DNMBP: variants seen among roughly 807,000 people sequenced by gnomAD.
DNMBP encodes dynamin-binding protein.
Under a neutral mutation model 150.0 loss-of-function variants are expected in DNMBP, and 87 were observed. That is an observed-to-expected ratio of 0.58 (90% CI 0.49 to 0.69). DNMBP has a LOEUF of 0.69. Among genes scored for constraint, DNMBP ranks in the 30% least tolerant of loss-of-function variants. DNMBP has a pLI of 0.00. For missense variants in DNMBP, 1,774 were observed against 1,949.0 expected (o/e 0.91, Z 1.69); for synonymous variants, 711 against 750.4 (o/e 0.95, Z 0.86).
At chr10:99,977,673 C>T (rs915557711) in intron 1 of DNMBP, among the ~76,000 whole-genome samples, 2 of 152,208 alleles carry the variant, frequency 1.3e-5, no homozygotes, top group South Asian at 4.1e-4. Context: ...CACTGGTCTA[C>T]AGCAGTGCCT....
intron 3 of DNMBP, among the ~76,000 whole-genome samples, chr10:99,960,762 C>T (rs899222100): frequency 2.6e-5 from 4 of 152,110 alleles, no homozygotes; most frequent in African/African-American, 9.7e-5. Context: ...GCTGAGGCTG[C>T]ACCATTGCAC....
In DNMBP at chr10:99,888,842, G is replaced by T. The variant is rs1159623229; in HGVS notation, c.3268C>A (p.Gln1090Lys). The T allele has an allele frequency of 6.2e-7, 1 of 1,614,032 alleles. No homozygotes were observed. Among genetic ancestry groups the T allele is most frequent in the Non-Finnish European group, 8.5e-7 (1 of 1,179,980 alleles). Reference sequence around the variant, plus strand: ...TTACTTACAAAGTTTGTGAAGAGCTGGTCACTGATGTAGCGATGCACCCTC... The same window carrying T: ...TTACTTACAAAGTTTGTGAAGAGCTTGTCACTGATGTAGCGATGCACCCTC... ...FERVHRYISDQLFTNFKERTE... is the reference protein window; with the variant it reads ...FERVHRYISDKLFTNFKERTE... Residue 1090 changes from glutamine (Q) to lysine (K), a missense_variant, in exon 12 of 17, where the codon CAG becomes AAG. Gln to Lys is a moderately conservative substitution (Grantham distance 53). Around this residue, in one of 2 missense-constraint regions of DNMBP, gnomAD observed 1,430 missense variants for 1,492.5 expected, o/e 0.96. Transcript: ENST00000324109.
chr10:99,893,848 G>A (rs1564720844), intron 11 of DNMBP, among the ~76,000 whole-genome samples: 1 of 152,124 alleles, frequency 6.6e-6, no homozygotes, highest in South Asian at 2.1e-4. Flanking sequence ...CTGATAGGAG[G>A]GAAGAACTTA....
chr10:99,885,235 G>A (rs781610776), intron 14 of DNMBP, among the ~76,000 whole-genome samples: 1 of 152,164 alleles, frequency 6.6e-6, no homozygotes, highest in Non-Finnish European at 1.5e-5. Context: ...AAAAGCCTGG[G>A]GATGGTGGCT....
At chr10:99,917,078 C>A (rs2039972681) in intron 4 of DNMBP, among the ~76,000 whole-genome samples, 1 of 152,092 alleles carries the variant, frequency 6.6e-6, no homozygotes, top group Non-Finnish European at 1.5e-5. Context: ...TCTTATAAGG[C>A]CAGGCGCAGT....
intron 5 of DNMBP, among the ~76,000 whole-genome samples, chr10:99,908,492 C>A (rs906103355): frequency 8.5e-5 from 13 of 152,238 alleles, no homozygotes; most frequent in Non-Finnish European, 1.8e-4. Flanking sequence ...GGACTATAAA[C>A]CCCAGGACAT....
chr10:99,933,431 T>G (rs533320049), intron 4 of DNMBP, among the ~76,000 whole-genome samples: 8 of 152,348 alleles, frequency 5.3e-5, no homozygotes, highest in African/African-American at 1.9e-4. Flanking sequence ...ACCAATAAAA[T>G]AGCAATCCAT....
At chr10:99,879,101 A>AAAAAAAAAAAAC (rs1554857510) in intron 16 of DNMBP, among the ~76,000 whole-genome samples, 218 of 134,672 alleles carry the variant, frequency 1.6e-3, no homozygotes, top group African/African-American at 2.6e-3. Context: ...AAAAAAAAAA[A>AAAAAAAAAAAAC]CCCAAAACGT....
intron 1 of DNMBP, among the ~76,000 whole-genome samples, chr10:99,986,171 T>C (rs2040826109): frequency 6.6e-6 from 1 of 152,182 alleles, no homozygotes; most frequent in South Asian, 2.1e-4. Flanking sequence ...TGCTATTTCA[T>C]GGAAAATCTT....
At chr10:99,885,324 C>A (rs2039439692) in intron 14 of DNMBP, among the ~76,000 whole-genome samples, 1 of 152,166 alleles carries the variant, frequency 6.6e-6, no homozygotes, top group African/African-American at 2.4e-5. Flanking sequence ...CCCTGGCCAA[C>A]ATGGTAAAAC....
chr10:100,005,778 A>AAC (rs57428657), intron 1 of DNMBP, among the ~76,000 whole-genome samples: 32,623 of 128,808 alleles, frequency 0.25, 4,587 homozygotes, highest in Non-Finnish European at 0.29. Context: ...AAAAAAAAAA[A>AAC]AAAAAACCAA....
At chr10:99,931,200 T>C (rs929765174) in intron 4 of DNMBP, among the ~76,000 whole-genome samples, 7 of 152,216 alleles carry the variant, frequency 4.6e-5, no homozygotes, top group Non-Finnish European at 8.8e-5. Flanking sequence ...CCCGCCTCTT[T>C]AATCCTTTAG....
At chr10:99,952,635 A>G (rs2040437785) in intron 4 of DNMBP, among the ~76,000 whole-genome samples, 1 of 152,186 alleles carries the variant, frequency 6.6e-6, no homozygotes, top group Admixed American at 6.5e-5. Flanking sequence ...ACCATCTCTT[A>G]GTCTGCAGTT....
At chr10:99,883,046 T>TA (rs1460385702) in intron 15 of DNMBP, among the ~76,000 whole-genome samples, 2 of 152,208 alleles carry the variant, frequency 1.3e-5, no homozygotes, top group East Asian at 1.9e-4. Context: ...GACCCTGTCT[T>TA]AAAAAATAAT....
In DNMBP at chr10:99,969,142, CT is replaced by C; in HGVS notation, c.240del (p.Glu81SerfsTer13). ...LFVCICEFTS[Q>X]ELDNLPLHRG... ...CGATGGAGGGGAAGATTATCCAACT[CT>C]TGGGATGTGAATTCACAAATGCACA... On this transcript the variant is annotated frameshift_variant, in exon 3 of 17. Transcript: ENST00000324109. LOFTEE classifies it high-confidence loss of function. The C allele has an allele frequency of 6.2e-7, 1 of 1,614,094 alleles. No individual in the cohort carries two copies. The highest frequency in any genetic ancestry group is 8.5e-7 in the Non-Finnish European group (1 of 1,179,992).
Position 99,972,052 on chromosome 10 carries a change from C to A in DNMBP, c.73G>T (p.Val25Leu). The change falls in exon 2 of 17, where the codon GTG (valine) becomes TTG (leucine). Residue 25 changes from valine to leucine, a missense_variant. Physicochemically the swap from Val to Leu is conservative, Grantham distance 32 (BLOSUM62 1). Transcript: ENST00000324109. ...GCCAGCACCTCAATAATATCTCCCACAAAGAGCGGCAGTTCTTCTGATACG... is the reference window on the plus strand; with the variant it reads ...GCCAGCACCTCAATAATATCTCCCAAAAAGAGCGGCAGTTCTTCTGATACG... Reference protein sequence around the residue: ...PSVSEELPLFVGDIIEVLAVV... With the variant: ...PSVSEELPLFLGDIIEVLAVV... 1 of 1,614,006 alleles carries A rather than the reference C, an allele frequency of 6.2e-7. No individual in the cohort carries two copies. Among genetic ancestry groups the A allele is most frequent in the East Asian group, 2.2e-5 (1 of 44,864 alleles).
intron 4 of DNMBP, among the ~76,000 whole-genome samples, chr10:99,931,199 T>C (rs2040153459): frequency 6.6e-6 from 1 of 152,200 alleles, no homozygotes; most frequent in African/African-American, 2.4e-5. Flanking sequence ...CCCCGCCTCT[T>C]TAATCCTTTA....
rs2039342509 is a variant in DNMBP at position 99,880,129 on chromosome 10, T to C, written c.4230A>G (p.Pro1410=). Residue 1410 remains proline, a synonymous_variant, in exon 16 of 17, where the codon CCA becomes CCG. Coordinates refer to ENST00000324109, the MANE Select transcript of DNMBP (RefSeq NM_015221.4). ...TGAGAGTTCCTTGGTCACATTCTTT[T>C]GGCGGAGGAGATGCATCTTGAGGCT... ...QKQPQDASPP[P]KECDQGTLSA... 6.2e-7 allele frequency: 1 copy of C among 1,614,022 alleles called. No homozygotes were observed. Among genetic ancestry groups the C allele is most frequent in the Admixed American group, 1.7e-5 (1 of 60,000 alleles).
At chr10:99,921,114 C>T (rs374175019) in intron 4 of DNMBP, among the ~76,000 whole-genome samples, 2 of 152,200 alleles carry the variant, frequency 1.3e-5, no homozygotes, top group South Asian at 2.1e-4. Context: ...TTCCTCTCAG[C>T]GAGCCCAGAG....
Sources: gnomAD v4.1 joint callset for allele counts (sites outside exome capture counted in the v4.1 genomes callset) on GRCh38, gnomAD v4.1.1 for gene constraint, gnomAD v4.1.1 regional missense constraint, MANE v1.5 for transcripts, NCBI Gene and HGNC (gene_info 2026-07-23, HGNC 2026-07-21) for gene names.